The following GMCL1 variants were observed in gnomAD, a reference collection of about 807,000 sequenced individuals.
The protein encoded by GMCL1 is germ cell-less 1, spermatogenesis associated, also known as germ cell-less protein-like 1.
A neutral mutation model predicts 75.5 loss-of-function variants in GMCL1; 54 were observed. That is an observed-to-expected ratio of 0.71 (90% CI 0.57 to 0.90). GMCL1 has a LOEUF of 0.90. Among genes scored for constraint, GMCL1 ranks in the 40% least tolerant of loss-of-function variants. GMCL1 has a pLI of 0.00. For missense variants in GMCL1, 537 were observed against 622.7 expected (o/e 0.86, Z 1.47); for synonymous variants, 210 against 209.6 (o/e 1.00, Z -0.02).
chr2:69,867,453 G>A (rs959148850), intron 11 of GMCL1, among the ~76,000 whole-genome samples: 3 of 151,930 alleles, frequency 2.0e-5, no homozygotes, highest in African/African-American at 7.3e-5. Flanking sequence ...ACCCCACCTC[G>A]TCTTTCTAGC....
chr2:69,844,033 C>A, intron 5 of GMCL1, 98 bp from the exon 6 acceptor site: 2 of 531,284 alleles, frequency 3.8e-6, no homozygotes, highest in Non-Finnish European at 6.3e-6. Flanking sequence ...TGAGCATGTT[C>A]TGGCAAGATT....
rs907594986 is a variant in GMCL1 at position 69,839,685 on chromosome 2, G to C, written c.481+132G>C. The C allele has an allele frequency of 5.4e-6, 3 of 557,062 alleles. No individual in the cohort carries two copies. In the Admixed American group the frequency reaches 9.2e-5, roughly 17 times the overall value. The allele number at this position is 557,062 out of a possible 1,614,324, so 34.5% of individuals were successfully genotyped here. ...TTTTATCACCTCAAGGTGATAATTT[G>C]ATGTTGATTTACACCATAGTTTATC... is the stretch of plus-strand genomic sequence containing the variant. On this transcript the variant is annotated intron_variant, in intron 3 of 13. Coordinates refer to ENST00000282570, the MANE Select transcript of GMCL1 (RefSeq NM_178439.5).
chr2:69,841,461 T>C (rs1281381341), intron 4 of GMCL1, among the ~76,000 whole-genome samples: 1 of 152,368 alleles, frequency 6.6e-6, no homozygotes, highest in East Asian at 1.9e-4. Flanking sequence ...AAATCACATA[T>C]ATGTATTTTA....
intron 8 of GMCL1, among the ~76,000 whole-genome samples, chr2:69,851,471 A>G (rs1365945571): frequency 3.3e-5 from 5 of 152,070 alleles, no homozygotes; most frequent in African/African-American, 4.8e-5. Flanking sequence ...TTAGCCGGGT[A>G]TGGTGGTGGT....
intron 2 of GMCL1, among the ~76,000 whole-genome samples, chr2:69,838,407 A>G (rs1484080512): frequency 1.3e-5 from 2 of 150,274 alleles, no homozygotes; most frequent in African/African-American, 4.9e-5. Flanking sequence ...CTAATGGCCC[A>G]AATATTTTAT....
intron 6 of GMCL1, chr2:69,844,830 G>A (rs376854430): frequency 7.2e-5 from 27 of 373,220 alleles, no homozygotes; most frequent in Admixed American, 1.8e-4. Context: ...GTTCTTCACC[G>A]TCACCTCCTG....
At chr2:69,841,664 A>G (rs1013554456) in intron 4 of GMCL1, among the ~76,000 whole-genome samples, 5 of 152,232 alleles carry the variant, frequency 3.3e-5, no homozygotes, top group Non-Finnish European at 4.4e-5. Flanking sequence ...GAGCTGTTCA[A>G]TATTATAGGT....
chr2:69,867,114 T>A (rs976336783), intron 11 of GMCL1, among the ~76,000 whole-genome samples: 2 of 151,972 alleles, frequency 1.3e-5, no homozygotes, highest in East Asian at 1.9e-4. Context: ...CTGGCTAATT[T>A]TTTAAAATTT....
intron 11 of GMCL1, among the ~76,000 whole-genome samples, chr2:69,868,462 A>G (rs752589056): frequency 1.3e-5 from 2 of 152,206 alleles, no homozygotes; most frequent in African/African-American, 2.4e-5. Context: ...CACATTAACT[A>G]TTAGCTGATA....
rs768007001 is a variant in GMCL1, at chr2:69,869,799, C to T, written c.1299C>T (p.Arg433=). 3.7e-6 allele frequency: 6 copies of T among 1,614,010 alleles called. No individual in the cohort carries two copies. In the South Asian group the frequency reaches 4.4e-5, roughly 12 times the overall value. The change falls in exon 12 of 14, where the codon CGC becomes CGT. Residue 433 remains arginine, a synonymous_variant. Coordinates refer to ENST00000282570, the MANE Select transcript of GMCL1 (RefSeq NM_178439.5). ...CCAATCGATACATCATTTTCAAACG[C>T]AATACACTGAATCAGCCATGTAGCG... The part of the protein sequence containing the change: ...TYTNRYIIFK[R]NTLNQPCSGS...
intron 1 of GMCL1, among the ~76,000 whole-genome samples, chr2:69,836,861 T>A (rs1430818392): frequency 6.6e-6 from 1 of 152,220 alleles, no homozygotes. Flanking sequence ...GATGGGATGC[T>A]CACAGTTCAC....
chr2:69,830,281 G>A lies in GMCL1; in HGVS notation c.260+129G>A, dbSNP rs1000283148. On this transcript the variant is annotated intron_variant, in intron 1 of 13. Coordinates refer to ENST00000282570, the MANE Select transcript of GMCL1 (RefSeq NM_178439.5). Reference sequence around the variant, plus strand: ...TGGAGAGGGGACGTGCCCTTGACAGGGTGAATGTGGAAGCCGGCCCGATGC... The same window carrying A: ...TGGAGAGGGGACGTGCCCTTGACAGAGTGAATGTGGAAGCCGGCCCGATGC... The A allele has an allele frequency of 3.2e-6, 4 of 1,242,844 alleles. No homozygotes were observed. In the African/African-American group the frequency reaches 4.6e-5, roughly 14 times the overall value. The allele number at this position is 1,242,844 out of a possible 1,614,324, so 77.0% of individuals were successfully genotyped here. A position where few individuals can be genotyped will look rare whatever the true frequency, so the allele number is the denominator to read the frequency against.
At chr2:69,840,903 T>C (rs761454021) in intron 3 of GMCL1, 39 bp from the exon 4 acceptor site, 3 of 1,362,620 alleles carry the variant, frequency 2.2e-6, no homozygotes, top group South Asian at 2.4e-5. Context: ...GTAATAGATA[T>C]AAATATTATT....
chr2:69,841,844 G>A (rs954282443), intron 4 of GMCL1, among the ~76,000 whole-genome samples: 5 of 152,134 alleles, frequency 3.3e-5, no homozygotes, highest in African/African-American at 1.2e-4. Context: ...AGAGAGAACA[G>A]AGTAAACTAA....
intron 3 of GMCL1, 124 bp from the exon 4 acceptor site, chr2:69,840,817 CT>C: frequency 3.7e-6 from 2 of 540,910 alleles, no homozygotes; most frequent in Non-Finnish European, 3.2e-6. Context: ...TTCTGTTATC[CT>C]TTTATGTGCA....
At chr2:69,838,830 C>G (rs1467932440) in intron 2 of GMCL1, among the ~76,000 whole-genome samples, 2 of 152,130 alleles carry the variant, frequency 1.3e-5, no homozygotes, top group Admixed American at 1.3e-4. Flanking sequence ...AATATAAGCC[C>G]CCTGAGGACA....
At chr2:69,834,023 A>G (rs1674748577) in intron 1 of GMCL1, among the ~76,000 whole-genome samples, 1 of 152,222 alleles carries the variant, frequency 6.6e-6, no homozygotes, top group Non-Finnish European at 1.5e-5. Flanking sequence ...TTCTAACCTC[A>G]CAGTCATATG....
At chr2:69,830,493 G>A (rs1018921441) in intron 1 of GMCL1, among the ~76,000 whole-genome samples, 1 of 152,224 alleles carries the variant, frequency 6.6e-6, no homozygotes, top group African/African-American at 2.4e-5. Flanking sequence ...TCTCAAGTGG[G>A]TAGCCGCAGA....
intron 7 of GMCL1, among the ~76,000 whole-genome samples, chr2:69,849,066 T>A (rs1396073946): frequency 6.6e-6 from 1 of 152,208 alleles, no homozygotes; most frequent in Admixed American, 6.5e-5. Flanking sequence ...TATTAAACCT[T>A]TACCTTTTTA....
Sources: gnomAD v4.1 joint callset for allele counts (sites outside exome capture counted in the v4.1 genomes callset) on GRCh38, gnomAD v4.1.1 for gene constraint, MANE v1.5 for transcripts, NCBI Gene and HGNC (gene_info 2026-07-23, HGNC 2026-07-21) for gene names.